Variants in CSMD3 observed in about 807,000 individuals in gnomAD.
CSMD3 encodes CUB and Sushi multiple domains 3.
A neutral mutation model predicts 435.2 loss-of-function variants in CSMD3; 177 were observed. The ratio of observed to expected loss-of-function variants is 0.41; its 90% CI spans 0.36 to 0.46. The LOEUF (loss-of-function observed/expected upper bound fraction) is 0.46. Ranked by LOEUF, CSMD3 falls within the 20% of genes least tolerant of loss-of-function variation. The probability of loss-of-function intolerance (pLI) is 0.34; values close to 1 mark genes in which losing one functional copy is unlikely to be tolerated. For missense variants in CSMD3, 4,265 were observed against 4,504.6 expected (o/e 0.95, Z 1.52); for synonymous variants, 1,656 against 1,520.5 (o/e 1.09, Z -2.07).
At chr8:112,352,345 T>G (rs11775013) in intron 39 of CSMD3, 71 bp downstream of exon 39, 11 of 1,603,134 alleles carry the variant, frequency 6.9e-6, no homozygotes, top group Non-Finnish European at 8.5e-6. Flanking sequence ...CCGTGGCTTA[T>G]CAATCATTGA....
Position 112,660,230 on chromosome 8 carries a change from C to T in CSMD3, c.2817-3889G>A, listed in dbSNP as rs4515580. Among the ~76,000 whole-genome samples, 316 of 152,048 alleles carry T rather than the reference C, an allele frequency of 2.1e-3. 1 individual carries two copies. Among genetic ancestry groups the T allele is most frequent in the African/African-American group, 7.3e-3 (303 of 41,504 alleles). On this transcript the variant is annotated intron_variant, in intron 17 of 70. Coordinates refer to ENST00000297405, the MANE Select transcript of CSMD3 (RefSeq NM_198123.2). The stretch of plus-strand genomic sequence containing the variant: ...TGTTAGATACTTTAGAAATAATATT[C>T]GATTTCTTAAAACAATCTTTAGAAA...
intron 13 of CSMD3, among the ~76,000 whole-genome samples, chr8:112,709,769 T>G (rs1190418730): frequency 6.6e-6 from 1 of 151,930 alleles, no homozygotes; most frequent in East Asian, 1.9e-4. Flanking sequence ...AGGGAAAGTG[T>G]AAGGGCAAGC....
intron 16 of CSMD3, among the ~76,000 whole-genome samples, chr8:112,680,516 C>T (rs1286684679): frequency 6.6e-6 from 1 of 152,156 alleles, no homozygotes; most frequent in East Asian, 1.9e-4. Context: ...TCCATTTTCC[C>T]TTTTTACTTT....
At chr8:112,461,648 G>C (rs1817458823) in intron 32 of CSMD3, among the ~76,000 whole-genome samples, 3 of 152,012 alleles carry the variant, frequency 2.0e-5, no homozygotes, top group Non-Finnish European at 4.4e-5. Flanking sequence ...TTATCTTGGA[G>C]GTATTTATTA....
At chr8:113,105,095 G>T (rs2090435017) in intron 4 of CSMD3, among the ~76,000 whole-genome samples, 1 of 151,878 alleles carries the variant, frequency 6.6e-6, no homozygotes. Flanking sequence ...ATTATTTAAA[G>T]ATTTGGAGAA....
chr8:112,248,806 C>CT (rs1189708482), intron 63 of CSMD3, among the ~76,000 whole-genome samples: 1 of 152,026 alleles, frequency 6.6e-6, no homozygotes, highest in Non-Finnish European at 1.5e-5. Context: ...TGACAACAAC[C>CT]TTTTTTCTTT....
intron 28 of CSMD3, among the ~76,000 whole-genome samples, chr8:112,507,484 T>C (rs1644611264): frequency 6.6e-6 from 1 of 152,110 alleles, no homozygotes; most frequent in Admixed American, 6.6e-5. Flanking sequence ...GTCTTCGTGG[T>C]GGGATGGGAG....
chr8:113,084,774 A>G (rs1051913470), intron 5 of CSMD3, among the ~76,000 whole-genome samples: 2 of 152,026 alleles, frequency 1.3e-5, no homozygotes, highest in Non-Finnish European at 2.9e-5. Flanking sequence ...TACGTAGATC[A>G]ATAAAACATA....
chr8:113,000,269 G>A (rs1164013110), intron 6 of CSMD3, among the ~76,000 whole-genome samples: 2 of 151,958 alleles, frequency 1.3e-5, no homozygotes, highest in African/African-American at 4.8e-5. Context: ...AAATCATAGG[G>A]GTGAAAATGG....
At chr8:112,524,323 C>T (rs1034790463) in intron 27 of CSMD3, among the ~76,000 whole-genome samples, 1 of 150,494 alleles carries the variant, frequency 6.6e-6, no homozygotes, top group Non-Finnish European at 1.5e-5. Flanking sequence ...ATGGGGATGA[C>T]CAGTATTAGT....
At chr8:113,108,413 C>T (rs192102727) in intron 4 of CSMD3, among the ~76,000 whole-genome samples, 64 of 137,112 alleles carry the variant, frequency 4.7e-4, no homozygotes, top group African/African-American at 1.8e-3. Context: ...AGTGAGAGGA[C>T]GAGACGCCAT....
intron 4 of CSMD3, among the ~76,000 whole-genome samples, chr8:113,104,784 A>C (rs1214500633): frequency 6.6e-6 from 1 of 152,136 alleles, no homozygotes; most frequent in East Asian, 1.9e-4. Context: ...AAACATGTAT[A>C]ACAGATCAAA....
chr8:112,378,681 T>C (rs193010883), intron 38 of CSMD3, among the ~76,000 whole-genome samples: 9 of 152,060 alleles, frequency 5.9e-5, no homozygotes, highest in Admixed American at 3.3e-4. Flanking sequence ...TGAAGAGAGG[T>C]TGGTTAATGG....
chr8:113,352,643 A>T (rs1421985914), intron 1 of CSMD3, among the ~76,000 whole-genome samples: 21 of 152,112 alleles, frequency 1.4e-4, no homozygotes, highest in Non-Finnish European at 2.9e-5. Context: ...TCTTTAGGAG[A>T]TGACATTTTA....
At chr8:112,701,597 T>A (rs2076389913) in intron 13 of CSMD3, among the ~76,000 whole-genome samples, 1 of 152,162 alleles carries the variant, frequency 6.6e-6, no homozygotes, top group Admixed American at 6.5e-5. Context: ...GTCATATTAA[T>A]TTTAAGAAAT....
At chr8:112,625,384 T>G (rs1408714259) in intron 22 of CSMD3, among the ~76,000 whole-genome samples, 1 of 151,992 alleles carries the variant, frequency 6.6e-6, no homozygotes, top group East Asian at 1.9e-4. Context: ...AAAATGAAAA[T>G]CAAACATTTT....
At chr8:112,584,866 G>A (rs1830601354) in intron 23 of CSMD3, among the ~76,000 whole-genome samples, 1 of 151,548 alleles carries the variant, frequency 6.6e-6, no homozygotes. Context: ...TGGAGATGGG[G>A]ATTAACTTTC....
intron 40 of CSMD3, among the ~76,000 whole-genome samples, chr8:112,349,366 A>C (rs1825945718): frequency 6.6e-6 from 1 of 151,752 alleles, no homozygotes; most frequent in Admixed American, 6.6e-5. Flanking sequence ...AAACATTACT[A>C]TATATATATA....
At chr8:112,974,948 T>C (rs1564167323) in intron 7 of CSMD3, among the ~76,000 whole-genome samples, 1 of 151,892 alleles carries the variant, frequency 6.6e-6, no homozygotes, top group Non-Finnish European at 1.5e-5. Flanking sequence ...GGAAATGTAG[T>C]AGATATTTTA....
Sources: allele counts gnomAD v4.1 joint callset (sites outside exome capture counted in the v4.1 genomes callset), GRCh38; gene constraint gnomAD v4.1.1; transcripts MANE v1.5; gene names NCBI Gene and HGNC (gene_info 2026-07-23, HGNC 2026-07-21).